Variants in NPAS3 observed in about 807,000 individuals in gnomAD.
NPAS3 encodes neuronal PAS domain protein 3, also known as neuronal PAS domain-containing protein 3.
In NPAS3, 14 loss-of-function variants were observed where a neutral mutation model predicts 73.1. That is an observed-to-expected ratio of 0.19 (90% CI 0.13 to 0.30). The LOEUF (loss-of-function observed/expected upper bound fraction) is 0.30. Ranked by LOEUF, NPAS3 falls within the 10% of genes least tolerant of loss-of-function variation. NPAS3 has a pLI of 1.00. For synonymous variants in NPAS3, 620 were observed against 541.5 expected (o/e 1.14, Z -2.01); for missense variants, 1,096 against 1,250.0 (o/e 0.88, Z 1.86).
At chr14:33,242,002 C>A (rs578039432) in intron 3 of NPAS3, among the ~76,000 whole-genome samples, 2 of 152,010 alleles carry the variant, frequency 1.3e-5, no homozygotes, top group African/African-American at 4.8e-5. Flanking sequence ...CATTTGTAAA[C>A]CCTTGTAAGT....
intron 6 of NPAS3, among the ~76,000 whole-genome samples, chr14:33,718,595 T>C (rs2061019124): frequency 6.6e-6 from 1 of 152,120 alleles, no homozygotes; most frequent in Admixed American, 6.6e-5. Flanking sequence ...TGTGTATACA[T>C]AGATTATTTT....
intron 3 of NPAS3, among the ~76,000 whole-genome samples, chr14:33,294,004 G>C (rs2088663011): frequency 6.6e-6 from 1 of 152,182 alleles, no homozygotes; most frequent in African/African-American, 2.4e-5. Flanking sequence ...AGATATGTAA[G>C]AGGAAGTGCA....
Position 33,098,373 on chromosome 14 carries a change from A to G in NPAS3, c.140+42379A>G, listed in dbSNP as rs374511890. On this transcript the variant is annotated intron_variant, in intron 2 of 11. Transcript: ENST00000356141. ...TCAAATTATAAATGGTAGGCATTTA[A>G]CTGATTCAAAGATGATGATGACAAC... Among the ~76,000 whole-genome samples the G allele has an allele frequency of 2.0e-5, 3 of 152,334 alleles. No individual in the cohort carries two copies. The East Asian group carries it at 5.8e-4, about 29-fold the overall frequency.
intron 8 of NPAS3, among the ~76,000 whole-genome samples, chr14:33,777,739 A>T (rs951785086): frequency 3.9e-5 from 6 of 152,198 alleles, no homozygotes; most frequent in Non-Finnish European, 7.3e-5. Context: ...CTATTTTTCC[A>T]TGCTCTGCCT....
chr14:33,776,141 C>T (rs1036565644), intron 8 of NPAS3, among the ~76,000 whole-genome samples: 7 of 152,248 alleles, frequency 4.6e-5, no homozygotes, highest in African/African-American at 1.7e-4. Context: ...ACTTTTCATA[C>T]ATATGTACCC....
In NPAS3 at chr14:33,465,827, C is replaced by T. The variant is rs563772705; in HGVS notation, c.469-94294C>T. ...GGCATATATTAATTTTATCATTATT[C>T]GGTTTTATTTGTTCTTAGTTTAGCC... On this transcript the variant is annotated intron_variant, in intron 4 of 11. Coordinates refer to ENST00000356141, the Ensembl canonical transcript of NPAS3. Among the ~76,000 whole-genome samples, 371 of 151,782 alleles carry T rather than the reference C, an allele frequency of 2.4e-3. 2 individuals are homozygous for T. The highest frequency in any genetic ancestry group is 8.2e-3 in the African/African-American group (338 of 41,360).
chr14:33,438,803 A>G (rs2049104561), intron 4 of NPAS3, among the ~76,000 whole-genome samples: 1 of 152,194 alleles, frequency 6.6e-6, no homozygotes, highest in Admixed American at 6.5e-5. Context: ...AAAATTTTCC[A>G]CGTTGGTTAA....
chr14:32,949,404 A>C (rs1246128068), intron 1 of NPAS3, among the ~76,000 whole-genome samples: 1 of 152,074 alleles, frequency 6.6e-6, no homozygotes, highest in African/African-American at 2.4e-5. Flanking sequence ...TTGAAAGCAA[A>C]GCCTGTATCA....
chr14:33,190,791 C>T (rs140152501), intron 2 of NPAS3, among the ~76,000 whole-genome samples: 12 of 152,152 alleles, frequency 7.9e-5, no homozygotes, highest in African/African-American at 2.9e-4. Context: ...TGATATGTGT[C>T]GTGCTGTCCT....
intron 2 of NPAS3, among the ~76,000 whole-genome samples, chr14:33,169,150 C>T (rs745995208): frequency 3.6e-4 from 55 of 152,172 alleles, no homozygotes; most frequent in Admixed American, 1.1e-3. Flanking sequence ...ATAGCTTTTC[C>T]TTTTTTCTAA....
chr14:33,298,978 C>T (rs933432158), intron 3 of NPAS3, among the ~76,000 whole-genome samples: 2 of 152,132 alleles, frequency 1.3e-5, no homozygotes, highest in African/African-American at 2.4e-5. Context: ...CACCAAATCA[C>T]CACAAATTAA....
At chr14:33,152,080 CA>C (rs1406006798) in intron 2 of NPAS3, among the ~76,000 whole-genome samples, 1 of 151,936 alleles carries the variant, frequency 6.6e-6, no homozygotes, top group African/African-American at 2.4e-5. Flanking sequence ...TTGTGGTTGT[CA>C]AAAGTGTGTA....
chr14:33,578,275 C>T, intron 5 of NPAS3: 1 of 454,724 alleles, frequency 2.2e-6, no homozygotes, highest in South Asian at 1.6e-5. Context: ...CTCACCACAA[C>T]CTCCACCTCC....
At chr14:33,126,451 T>C (rs913763538) in intron 2 of NPAS3, among the ~76,000 whole-genome samples, 1 of 152,066 alleles carries the variant, frequency 6.6e-6, no homozygotes, top group African/African-American at 2.4e-5. Context: ...TCCCCAGATA[T>C]TACTCTGAGA....
rs2063154673 is a variant in NPAS3, at chr14:33,785,833, G to T, written c.1153+7261G>T. On this transcript the variant is annotated intron_variant, in intron 9 of 11. Transcript: ENST00000356141. ...AGTAACAGAAAATCCCAGTAAAAAT[G>T]ACTTAACTTTCTCTTCATGATCAAA... Among the ~76,000 whole-genome samples the T allele has an allele frequency of 2.0e-5, 3 of 152,160 alleles. No individual in the cohort carries two copies. In the South Asian group the frequency reaches 6.2e-4, roughly 32 times the overall value.
At chr14:33,612,663 T>C in intron 5 of NPAS3, 1 of 359,518 alleles carries the variant, frequency 2.8e-6, no homozygotes, top group Admixed American at 3.6e-5. Flanking sequence ...TTAAAGATGT[T>C]CTTAATTGTA....
chr14:33,803,643 C>T (rs187807868), downstream of NPAS3: 13 of 148,684 alleles, frequency 8.7e-5, no homozygotes, highest in Admixed American at 4.7e-4. Flanking sequence ...AAAATGATTT[C>T]TGGTGATTTA....
intron 1 of NPAS3, among the ~76,000 whole-genome samples, chr14:32,990,033 C>T (rs1184761994): frequency 6.6e-6 from 1 of 152,020 alleles, no homozygotes; most frequent in African/African-American, 2.4e-5. Context: ...GAGGGAGTCA[C>T]GATAAGCAAA....
intron 4 of NPAS3, among the ~76,000 whole-genome samples, chr14:33,397,617 G>A (rs2047278582): frequency 6.6e-6 from 1 of 152,076 alleles, no homozygotes; most frequent in Non-Finnish European, 1.5e-5. Context: ...TGCACTATAT[G>A]CACCAAGTTT....
Sources: allele counts gnomAD v4.1 joint callset (sites outside exome capture counted in the v4.1 genomes callset), GRCh38; gene constraint gnomAD v4.1.1; transcripts MANE v1.5; gene names NCBI Gene and HGNC (gene_info 2026-07-23, HGNC 2026-07-21).